Variants in ABCA13 observed in about 807,000 individuals in gnomAD.
ABCA13 encodes the protein ATP-binding cassette sub-family A member 13.
A neutral mutation model predicts 478.7 loss-of-function variants in ABCA13; 476 were observed. The ratio of observed to expected loss-of-function variants is 0.99; its 90% confidence interval spans 0.92 to 1.07. The LOEUF (loss-of-function observed/expected upper bound fraction) is 1.07, where lower values mean the gene tolerates loss of function less well. ABCA13 is among the 50% of genes least tolerant of loss of function. ABCA13 has a pLI of 0.00. For synonymous variants in ABCA13, 2,252 were observed against 2,158.9 expected (o/e 1.04, Z -1.20); for missense variants, 6,060 against 5,910.6 (o/e 1.03, Z -0.83).
chr7:48,264,754 C>A (rs1028679793), intron 15 of ABCA13, among the ~76,000 whole-genome samples: 2 of 151,622 alleles, frequency 1.3e-5, no homozygotes, highest in Admixed American at 1.3e-4. Flanking sequence ...ACAAAGTAAT[C>A]CAGGAGAAAC....
intron 52 of ABCA13, among the ~76,000 whole-genome samples, chr7:48,517,739 T>C (rs1832239277): frequency 6.6e-6 from 1 of 152,214 alleles, no homozygotes; most frequent in Admixed American, 6.5e-5. Context: ...TGTTTTCTTT[T>C]CTCAGCTCTG....
chr7:48,360,098 T>A (rs1810582441), intron 31 of ABCA13, among the ~76,000 whole-genome samples: 1 of 152,118 alleles, frequency 6.6e-6, no homozygotes, highest in East Asian at 1.9e-4. Flanking sequence ...CGTGCAGGTT[T>A]GTTACATATG....
At chr7:48,591,666 A>C (rs1488867301) in intron 57 of ABCA13, among the ~76,000 whole-genome samples, 1 of 151,974 alleles carries the variant, frequency 6.6e-6, no homozygotes, top group Non-Finnish European at 1.5e-5. Flanking sequence ...TATAGTTTTC[A>C]GTATACAGAT....
intron 43 of ABCA13, among the ~76,000 whole-genome samples, chr7:48,458,197 T>C (rs1825872111): frequency 6.6e-6 from 1 of 152,212 alleles, no homozygotes; most frequent in Non-Finnish European, 1.5e-5. Flanking sequence ...TGGCCATTCC[T>C]TCGTTATTGA....
intron 4 of ABCA13, among the ~76,000 whole-genome samples, chr7:48,220,796 A>C (rs1230711343): frequency 6.6e-6 from 1 of 152,198 alleles, no homozygotes; most frequent in South Asian, 2.1e-4. Flanking sequence ...AGAAGAATTA[A>C]ATTTTTTTGA....
At chr7:48,287,882 A>G in intron 19 of ABCA13, 78 bp from the exon 20 acceptor site, 1 of 1,101,874 alleles carries the variant, frequency 9.1e-7, no homozygotes, top group Non-Finnish European at 1.4e-6. Context: ...TTGAATCTTT[A>G]AAAAGTGATT....
At chr7:48,619,380 T>C (rs1250606949) in intron 59 of ABCA13, among the ~76,000 whole-genome samples, 1 of 152,158 alleles carries the variant, frequency 6.6e-6, no homozygotes, top group African/African-American at 2.4e-5. Context: ...TCCATTGATA[T>C]CAAGTTGTTA....
chr7:48,293,984 T>A (rs1333318423), intron 20 of ABCA13, among the ~76,000 whole-genome samples: 7 of 152,196 alleles, frequency 4.6e-5, no homozygotes, highest in Non-Finnish European at 8.8e-5. Flanking sequence ...AATCCCGGTT[T>A]TATCCACCTC....
At chr7:48,228,106 A>G (rs1788500513) in intron 6 of ABCA13, among the ~76,000 whole-genome samples, 1 of 152,156 alleles carries the variant, frequency 6.6e-6, no homozygotes, top group Non-Finnish European at 1.5e-5. Context: ...ATTATTTTTC[A>G]TTAGCAAAGG....
intron 59 of ABCA13, among the ~76,000 whole-genome samples, chr7:48,639,675 T>C (rs1049375283): frequency 6.6e-6 from 1 of 152,298 alleles, no homozygotes; most frequent in East Asian, 1.9e-4. Context: ...GGGCAGATGA[T>C]GGAAATCAGT....
Position 48,313,023 on chromosome 7 carries a change from G to A in ABCA13, c.9517-44G>A, listed in dbSNP as rs776701741. The A allele has an allele frequency of 1.5e-5, 23 of 1,496,566 alleles. No homozygotes were observed. In the East Asian group the frequency reaches 5.3e-4, roughly 35 times the overall value. The allele number at this position is 1,496,566 out of a possible 1,614,324, so 92.7% of individuals were successfully genotyped here. A position where few individuals can be genotyped will look rare whatever the true frequency, so the allele number is the denominator to read the frequency against. ...AGATGCTTCTGAGTGTAAAAATACA[G>A]TGTTGGTTATTTCATGTTGTTTTGT... On this transcript the variant is annotated intron_variant, in intron 24 of 61. Coordinates refer to ENST00000435803, the MANE Select transcript of ABCA13 (RefSeq NM_152701.5).
intron 47 of ABCA13, among the ~76,000 whole-genome samples, chr7:48,487,080 G>A (rs1390406168): frequency 6.6e-6 from 1 of 152,112 alleles, no homozygotes; most frequent in Non-Finnish European, 1.5e-5. Flanking sequence ...GGAGTCCAAA[G>A]TGGGCGGATC....
intron 20 of ABCA13, among the ~76,000 whole-genome samples, chr7:48,291,840 C>T (rs1798584046): frequency 6.6e-6 from 1 of 152,200 alleles, no homozygotes; most frequent in Admixed American, 6.5e-5. Flanking sequence ...TCACCTCCGG[C>T]TTCTGAGCCC....
At chr7:48,505,210 T>C (rs4917158) in intron 48 of ABCA13, among the ~76,000 whole-genome samples, 63,823 of 151,780 alleles carry the variant, frequency 0.42, 15,134 homozygotes, top group African/African-American at 0.64. Context: ...GTGGCTGAGT[T>C]CCCAATAGAA....
intron 29 of ABCA13, among the ~76,000 whole-genome samples, chr7:48,349,381 T>G (rs548817996): frequency 6.6e-6 from 1 of 152,316 alleles, no homozygotes; most frequent in Non-Finnish European, 1.5e-5. Context: ...TGATGTTGTT[T>G]GGCAGCTTAC....
At chr7:48,339,652 A>C (rs766499069) in intron 29 of ABCA13, among the ~76,000 whole-genome samples, 66 of 152,254 alleles carry the variant, frequency 4.3e-4, no homozygotes, top group Non-Finnish European at 8.1e-4. Flanking sequence ...TTCCCCAGAA[A>C]TTTAGAACTT....
chr7:48,221,346 A>T, intron 5 of ABCA13, 37 bp downstream of exon 5: 1 of 1,027,110 alleles, frequency 9.7e-7, no homozygotes. Context: ...ATTAGTCTTC[A>T]GAGACAGAAT....
intron 55 of ABCA13, among the ~76,000 whole-genome samples, chr7:48,552,185 A>G (rs985986301): frequency 2.6e-5 from 4 of 151,992 alleles, no homozygotes; most frequent in Admixed American, 2.6e-4. Flanking sequence ...GCCTTAAAAA[A>G]AAAGTTACAA....
At chr7:48,640,154 T>A (rs1586069730) in intron 59 of ABCA13, among the ~76,000 whole-genome samples, 1 of 152,216 alleles carries the variant, frequency 6.6e-6, no homozygotes, top group African/African-American at 2.4e-5. Flanking sequence ...CATTAAATAT[T>A]ATTTGTAGAG....
Sources: allele counts gnomAD v4.1 joint callset (sites outside exome capture counted in the v4.1 genomes callset), GRCh38; gene constraint gnomAD v4.1.1; transcripts MANE v1.5; gene names NCBI Gene and HGNC (gene_info 2026-07-23, HGNC 2026-07-21).